GRID2: variants seen among roughly 807,000 people sequenced by gnomAD.
The protein encoded by GRID2 is glutamate receptor ionotropic, delta-2.
In GRID2, 33 loss-of-function variants were observed where a neutral mutation model predicts 114.8. The ratio of observed to expected loss-of-function variants is 0.29; its 90% CI spans 0.22 to 0.38. GRID2 has a LOEUF of 0.38. Ranked by LOEUF, GRID2 falls within the 10% of genes least tolerant of loss-of-function variation. The pLI, the probability that GRID2 is intolerant of heterozygous loss-of-function variation, is 1.00. For missense variants in GRID2, 1,184 were observed against 1,257.7 expected (o/e 0.94, Z 0.89); for synonymous variants, 505 against 449.9 (o/e 1.12, Z -1.55).
intron 1 of GRID2, among the ~76,000 whole-genome samples, chr4:92,582,331 A>C (rs1728222949): frequency 6.6e-6 from 1 of 152,000 alleles, no homozygotes; most frequent in Admixed American, 6.6e-5. Context: ...ATTTAAAAAT[A>C]TGTCATAGTC....
intron 2 of GRID2, among the ~76,000 whole-genome samples, chr4:92,779,167 A>C (rs1738944977): frequency 6.7e-6 from 1 of 150,094 alleles, no homozygotes; most frequent in African/African-American, 2.5e-5. Context: ...TTTTACTATA[A>C]TTTTTAAGTA....
At chr4:92,855,983 A>G (rs1744153447) in intron 2 of GRID2, among the ~76,000 whole-genome samples, 1 of 152,086 alleles carries the variant, frequency 6.6e-6, no homozygotes, top group Non-Finnish European at 1.5e-5. Flanking sequence ...AAATATATTT[A>G]CAATTACTAG....
At chr4:93,705,129 T>C (rs1727877149) in intron 14 of GRID2, among the ~76,000 whole-genome samples, 1 of 152,172 alleles carries the variant, frequency 6.6e-6, no homozygotes, top group Non-Finnish European at 1.5e-5. Flanking sequence ...AGCCTATCTT[T>C]TGGATAAAAG....
chr4:93,304,727 C>T (rs1755242300), intron 8 of GRID2, among the ~76,000 whole-genome samples: 1 of 151,964 alleles, frequency 6.6e-6, no homozygotes, highest in African/African-American at 2.4e-5. Context: ...AAACAGCATG[C>T]TTATTGCTTT....
intron 2 of GRID2, among the ~76,000 whole-genome samples, chr4:92,728,493 T>C (rs1736170160): frequency 6.6e-6 from 1 of 152,004 alleles, no homozygotes; most frequent in African/African-American, 2.4e-5. Context: ...GGGTCTTCCA[T>C]GGGGCTGTCT....
At chr4:93,797,341 C>G (rs973414791) in intron 1 of GRID2, among the ~76,000 whole-genome samples, 10 of 152,078 alleles carry the variant, frequency 6.6e-5, no homozygotes, top group Admixed American at 6.6e-4. Flanking sequence ...TCTAGAAGCT[C>G]AAATGAGTTC....
At chr4:93,345,030 A>G (rs1224542838) in intron 8 of GRID2, among the ~76,000 whole-genome samples, 2 of 146,538 alleles carry the variant, frequency 1.4e-5, no homozygotes. Flanking sequence ...TGTAGCTCAC[A>G]TTTTCTTCAT....
chr4:93,311,653 T>G (rs1756029265), intron 8 of GRID2, among the ~76,000 whole-genome samples: 1 of 152,176 alleles, frequency 6.6e-6, no homozygotes, highest in South Asian at 2.1e-4. Context: ...AACCTCAACA[T>G]TTAACAGGTT....
chr4:92,430,184 C>A (rs1448182219), intron 1 of GRID2, among the ~76,000 whole-genome samples: 1 of 152,030 alleles, frequency 6.6e-6, no homozygotes, highest in African/African-American at 2.4e-5. Context: ...TTGCACAGAC[C>A]AATGTCGTGG....
intron 14 of GRID2, among the ~76,000 whole-genome samples, chr4:93,631,216 C>CTTTT (rs201119171): frequency 2.7e-5 from 4 of 149,954 alleles, no homozygotes; most frequent in South Asian, 2.1e-4. Flanking sequence ...TAGGGATTCT[C>CTTTT]TTTTTTTTTT....
intron 2 of GRID2, among the ~76,000 whole-genome samples, chr4:92,862,000 A>C (rs932175967): frequency 1.1e-4 from 16 of 151,944 alleles, no homozygotes; most frequent in Non-Finnish European, 2.2e-4. Context: ...TGTCTCATTT[A>C]CCCAAGTATC....
At chr4:93,484,296 G>A (rs895005837) in intron 11 of GRID2, among the ~76,000 whole-genome samples, 1 of 151,722 alleles carries the variant, frequency 6.6e-6, no homozygotes, top group Admixed American at 6.6e-5. Context: ...AACCATCCAT[G>A]GGATCATCAA....
At chr4:92,885,162 T>C in intron 2 of GRID2, 1 of 251,842 alleles carries the variant, frequency 4.0e-6, no homozygotes, top group East Asian at 1.1e-4. Context: ...TAATACGACA[T>C]CTTCAGTCCT....
At chr4:92,510,809 A>G (rs2149131379) in intron 1 of GRID2, among the ~76,000 whole-genome samples, 1 of 151,848 alleles carries the variant, frequency 6.6e-6, no homozygotes, top group South Asian at 2.1e-4. Flanking sequence ...TATACGTATT[A>G]AAACATCAAG....
intron 2 of GRID2, among the ~76,000 whole-genome samples, chr4:92,975,947 T>C (rs1046299924): frequency 6.6e-6 from 1 of 152,100 alleles, no homozygotes; most frequent in Non-Finnish European, 1.5e-5. Context: ...CAGACACATA[T>C]ACATATATGA....
intron 1 of GRID2, among the ~76,000 whole-genome samples, chr4:92,307,497 T>C (rs1725470041): frequency 6.6e-6 from 1 of 152,184 alleles, no homozygotes; most frequent in Non-Finnish European, 1.5e-5. Context: ...CCAACTTATA[T>C]ATACATGAAA....
intron 2 of GRID2, among the ~76,000 whole-genome samples, chr4:92,867,738 C>T (rs1744976539): frequency 6.6e-6 from 1 of 152,068 alleles, no homozygotes; most frequent in South Asian, 2.1e-4. Flanking sequence ...ACTAGATTTG[C>T]TATTGTCCTG....
At chr4:93,241,450 G>A (rs1747502087) in intron 8 of GRID2, among the ~76,000 whole-genome samples, 1 of 151,546 alleles carries the variant, frequency 6.6e-6, no homozygotes, top group Admixed American at 6.6e-5. Context: ...AACTAACTTA[G>A]ATCAGATTAA....
At chr4:92,758,185 T>C (rs1273200686) in intron 2 of GRID2, among the ~76,000 whole-genome samples, 9 of 152,138 alleles carry the variant, frequency 5.9e-5, no homozygotes, top group Non-Finnish European at 1.0e-4. Flanking sequence ...CCTTTTTTTC[T>C]TTCAAAGTGG....
Sources: gnomAD v4.1 joint callset for allele counts (sites outside exome capture counted in the v4.1 genomes callset) on GRCh38, gnomAD v4.1.1 for gene constraint, MANE v1.5 for transcripts, NCBI Gene and HGNC (gene_info 2026-07-23, HGNC 2026-07-21) for gene names.